The following SETD1A variants were observed in gnomAD, a reference collection of about 807,000 sequenced individuals.
SETD1A encodes histone-lysine N-methyltransferase SETD1A.
In SETD1A, 29 loss-of-function variants were observed where a neutral mutation model predicts 149.9. The observed-to-expected ratio is 0.19, with a 90% confidence interval of 0.14 to 0.26. The LOEUF is 0.26. SETD1A is among the 10% of genes least tolerant of loss of function. The pLI is 1.00. For missense variants in SETD1A, 2,109 were observed against 2,353.1 expected (o/e 0.90, Z 2.15); for synonymous variants, 1,141 against 968.5 (o/e 1.18, Z -3.31).
chr16:30,979,511 A>C lies in SETD1A; in HGVS notation c.3725A>C (p.Glu1242Ala). ...GGAGGCCGAGGCCGCCTCACCGAGG[A>C]AGAGGAGGCTGAGCCAGGGACAGAG... ...RAGGRGRLTE[E>A]EEAEPGTEVD... Residue 1242 changes from glutamate to alanine, a missense_variant, in exon 14 of 19, where the codon GAA becomes GCA. Coordinates refer to ENST00000262519, the MANE Select transcript of SETD1A (RefSeq NM_014712.3). The C allele has an allele frequency of 1.2e-6, 2 of 1,606,712 alleles. No homozygotes were observed. Among genetic ancestry groups the C allele is most frequent in the African/African-American group, 2.7e-5 (2 of 74,938 alleles).
intron 17 of SETD1A, 95 bp downstream of exon 17, chr16:30,981,275 C>T (rs2056374271): frequency 1.4e-5 from 21 of 1,506,280 alleles, no homozygotes; most frequent in Non-Finnish European, 1.9e-5. Context: ...AAGCCTTGCA[C>T]ACTCCCTAAC....
chr16:30,969,368 A>G lies in SETD1A; in HGVS notation c.2834A>G (p.Asp945Gly). The change falls in exon 11 of 19, where the codon GAC becomes GGC. Residue 945 changes from aspartate (D) to glycine (G), a missense_variant. By Grantham distance (94) the Asp-to-Gly change is moderately conservative (BLOSUM62 -1). Around this residue, in one of 8 missense-constraint regions of SETD1A, gnomAD observed 832 missense variants for 815.6 expected, o/e 1.02. Coordinates refer to ENST00000262519, the MANE Select transcript of SETD1A (RefSeq NM_014712.3). ...CCGGGGACCAAGCCCCCGAAGCGGG[A>G]CGAAGAGCGAGGCAAGACCCAGGGC... ...GRPGTKPPKR[D>G]EERGKTQGKH... The G allele has an allele frequency of 2.5e-6, 4 of 1,614,208 alleles. No homozygotes were observed. The highest frequency in any genetic ancestry group is 2.5e-6 in the Non-Finnish European group (3 of 1,180,018).
rs537081122 is a variant in SETD1A, at chr16:30,959,643, C to T, written c.246+457C>T. On this transcript the variant is annotated intron_variant, in intron 3 of 18. Coordinates refer to ENST00000262519, the MANE Select transcript of SETD1A (RefSeq NM_014712.3). ...TCTCCACCCTAGACAAGATATTCTT[C>T]AGGCCTTGAACTGGGCCTGGAACAC... 4.6e-5 allele frequency among the ~76,000 whole-genome samples: 7 copies of T among 152,308 alleles called. No homozygotes were observed. The South Asian group carries it at 1.4e-3, about 32-fold the overall frequency.
chr16:30,964,241 T>C lies in SETD1A; in HGVS notation c.787T>C (p.Phe263Leu). 6.2e-7 allele frequency: 1 copy of C among 1,613,872 alleles called. No individual in the cohort carries two copies. The highest frequency in any genetic ancestry group is 8.5e-7 in the Non-Finnish European group (1 of 1,179,946). The change falls in exon 6 of 19, where the codon TTC (phenylalanine) becomes CTC (leucine). Residue 263 changes from phenylalanine to leucine, a missense_variant. Coordinates refer to ENST00000262519, the MANE Select transcript of SETD1A (RefSeq NM_014712.3). ...RQDTPSSFGQ[F>L]TPQSSQGTPY... is the part of the protein sequence containing the mutation. ...AGATACCCCATCTTCCTTTGGCCAG[T>C]TCACACCTCAGTCCTCCCAAGGAAC...
chr16:30,984,146 G>A lies in SETD1A; in HGVS notation c.*123G>A. 1.0e-6 allele frequency: 1 copy of A among 976,518 alleles called. No homozygotes were observed. Among genetic ancestry groups the A allele is most frequent in the Non-Finnish European group, 1.5e-6 (1 of 683,800 alleles). The allele number at this position is 976,518 out of a possible 1,614,324, so 60.5% of individuals were successfully genotyped here. The stretch of plus-strand genomic sequence containing the variant: ...TGCCCCCATCTCCAAGCGTGGGGTT[G>A]GGGGCCCCAAGCCCAGCGAGGGAGC... On this transcript the variant is annotated 3_prime_UTR_variant, in exon 19 of 19. Coordinates refer to ENST00000262519, the MANE Select transcript of SETD1A (RefSeq NM_014712.3).
rs1373477376 is a variant in SETD1A at position 30,966,004 on chromosome 16, G to C, written c.2123G>C (p.Gly708Ala). 3.8e-6 allele frequency: 6 copies of C among 1,574,464 alleles called. No individual in the cohort carries two copies. The highest frequency in any genetic ancestry group is 5.2e-6 in the Non-Finnish European group (6 of 1,160,302). The change falls in exon 8 of 19, where the codon GGT becomes GCT. Residue 708 changes from glycine to alanine, a missense_variant. Coordinates refer to ENST00000262519, the MANE Select transcript of SETD1A (RefSeq NM_014712.3). ...ATTGCCGCCTCAGCTGGCCCCCCCG[G>C]TGGGGCCTTTGGGGAGGCCTTCCTC... Reference protein sequence around the residue: ...GLIAASAGPPGGAFGEAFLPF... With the variant: ...GLIAASAGPPAGAFGEAFLPF...
rs753743747 is a variant in SETD1A at position 30,980,439 on chromosome 16, C to T, written c.4409-46C>T. Reference sequence around the variant, plus strand: ...GCCCCGCCCTCTCCTTTGGCTGGGACGCAGGTGGCCAGAGAGGAGCCGTTC... The same window carrying T: ...GCCCCGCCCTCTCCTTTGGCTGGGATGCAGGTGGCCAGAGAGGAGCCGTTC... On this transcript the variant is annotated intron_variant, in intron 14 of 18. Transcript: ENST00000262519. This position sits in a 1 kb window ranked among gnomAD's most constrained non-coding sequence, Gnocchi z 7.7. The T allele has an allele frequency of 2.7e-5, 43 of 1,576,274 alleles. No homozygotes were observed. Among genetic ancestry groups the T allele is most frequent in the Middle Eastern group, 3.4e-4 (2 of 5,868 alleles).
intron 17 of SETD1A, among the ~76,000 whole-genome samples, chr16:30,982,641 C>A (rs914123663): frequency 6.6e-6 from 1 of 151,874 alleles, no homozygotes; most frequent in African/African-American, 2.4e-5. Flanking sequence ...AGTCCCGGAG[C>A]TTTCTTCAGG....
chr16:30,979,652 C>T lies in SETD1A; in HGVS notation c.3866C>T (p.Pro1289Leu). 1 of 1,609,820 alleles carries T rather than the reference C, an allele frequency of 6.2e-7. No individual in the cohort carries two copies. ...GAGACATCGGACGAGGCCGAGCGCC[C>T]TAGGCCCCTGCTCAGCCACATCCTC... ...ATETSDEAER[P>L]RPLLSHILLE... The change falls in exon 14 of 19, where the codon CCT becomes CTT. Residue 1289 changes from proline to leucine, a missense_variant. By Grantham distance (98) the Pro-to-Leu change is moderately conservative. Coordinates refer to ENST00000262519, the MANE Select transcript of SETD1A (RefSeq NM_014712.3).
intron 3 of SETD1A, among the ~76,000 whole-genome samples, chr16:30,959,734 C>T (rs1237488381): frequency 1.5e-5 from 2 of 132,910 alleles, no homozygotes; most frequent in Non-Finnish European, 3.2e-5. Context: ...TTTGTGGGGT[C>T]CCTTCATTCT....
Position 30,979,308 on chromosome 16 carries a change from G to C in SETD1A, c.3522G>C (p.Glu1174Asp). The C allele has an allele frequency of 6.2e-7, 1 of 1,613,594 alleles. No individual in the cohort carries two copies. Among genetic ancestry groups the C allele is most frequent in the Non-Finnish European group, 8.5e-7 (1 of 1,179,830 alleles). Reference sequence around the variant, plus strand: ...AAACTGTCTCCTTCTCTGCCATCGAGGTGGTGCCAGCCCCGGAGCCCCCTC... The same window carrying C: ...AAACTGTCTCCTTCTCTGCCATCGACGTGGTGCCAGCCCCGGAGCCCCCTC... The part of the protein sequence containing the change: ...RRKTVSFSAI[E>D]VVPAPEPPPA... The change falls in exon 14 of 19, where the codon GAG becomes GAC. Residue 1174 changes from glutamate to aspartate, a missense_variant. Glu to Asp is a conservative substitution (Grantham distance 45). Transcript: ENST00000262519.
chr16:30,964,254 C>A lies in SETD1A; in HGVS notation c.800C>A (p.Ser267Tyr). Residue 267 changes from serine (S) to tyrosine (Y), a missense_variant, in exon 6 of 19, where the codon TCC (serine) becomes TAC (tyrosine). Around this residue, in one of 8 missense-constraint regions of SETD1A, gnomAD observed 410 missense variants for 394.8 expected, o/e 1.04. Coordinates refer to ENST00000262519, the MANE Select transcript of SETD1A (RefSeq NM_014712.3). ...TCCTTTGGCCAGTTCACACCTCAGT[C>A]CTCCCAAGGAACCCCCTACACGTCT... ...PSSFGQFTPQ[S>Y]SQGTPYTSRG... 5.6e-6 allele frequency: 9 copies of A among 1,614,086 alleles called. No homozygotes were observed. The highest frequency in any genetic ancestry group is 7.6e-6 in the Non-Finnish European group (9 of 1,179,990).
chr16:30,967,093 GGGGAGA>G, intron 9 of SETD1A, 33 bp downstream of exon 9: 1 of 1,510,030 alleles, frequency 6.6e-7, no homozygotes, highest in Non-Finnish European at 8.9e-7. Flanking sequence ...GGGGTAGGGT[GGGGAGA>G]GGGAGAGGGG....
At position 30,963,419 on chromosome 16, in the gene SETD1A, T is replaced by TTCCC; in HGVS notation, c.518-6_518-3dup. 6.3e-7 allele frequency: 1 copy of TTCCC among 1,586,796 alleles called. No individual in the cohort carries two copies. Among genetic ancestry groups the TTCCC allele is most frequent in the Non-Finnish European group, 8.6e-7 (1 of 1,166,454 alleles). On this transcript the variant is annotated splice_polypyrimidine_tract_variant and intron_variant, in intron 4 of 18. Coordinates refer to ENST00000262519, the MANE Select transcript of SETD1A (RefSeq NM_014712.3). ...TCTCCATCTGACAATTGGTTCCCAT[T>TTCCC]TCCCTCCCTCCAGGACAACAACGAA...
At position 30,964,631 on chromosome 16, in the gene SETD1A, A is replaced by C. The variant is rs1413239324; in HGVS notation, c.889A>C (p.Lys297Gln). ...CTCCAGCACCACTTCAACCTCCTTC[A>C]AGCCCCGGCGGTCAGAGAACAGCTA... ...YSSSTTSTSFKPRRSENSYQD... is the reference protein window; with the variant it reads ...YSSSTTSTSFQPRRSENSYQD... The change falls in exon 7 of 19, where the codon AAG becomes CAG. Residue 297 changes from lysine (K) to glutamine (Q), a missense_variant. Around this residue, in one of 8 missense-constraint regions of SETD1A, gnomAD observed 410 missense variants for 394.8 expected, o/e 1.04. Transcript: ENST00000262519. 1.9e-6 allele frequency: 3 copies of C among 1,613,192 alleles called. No homozygotes were observed. Among genetic ancestry groups the C allele is most frequent in the Non-Finnish European group, 2.5e-6 (3 of 1,179,710 alleles).
At chr16:30,958,478 T>C (rs1282265540) in intron 1 of SETD1A, 5 of 480,162 alleles carry the variant, frequency 1.0e-5, no homozygotes, top group Non-Finnish European at 1.9e-5. Context: ...AGCGGGAAGG[T>C]AAGGGGGCTC....
chr16:30,963,589 T>C (rs2056085468), intron 5 of SETD1A, 35 bp downstream of exon 5: 6 of 1,597,156 alleles, frequency 3.8e-6, no homozygotes, highest in African/African-American at 2.7e-5. Flanking sequence ...CCCCTAGCCA[T>C]GTGGGCATGG....
In SETD1A at chr16:30,980,874, TGGGTGGGGTG is replaced by T. The variant is rs769893547; in HGVS notation, c.4692+34_4692+43del. 1.8e-5 allele frequency: 2 copies of T among 113,164 alleles called. No individual in the cohort carries two copies. Among genetic ancestry groups the T allele is most frequent in the African/African-American group, 3.1e-4 (1 of 3,224 alleles). 7.0% of individuals were successfully genotyped at this position (113,164 alleles called of 1,614,324 possible). A position where few individuals can be genotyped will look rare whatever the true frequency, so the allele number is the denominator to read the frequency against. On this transcript the variant is annotated intron_variant, in intron 16 of 18. Coordinates refer to ENST00000262519, the MANE Select transcript of SETD1A (RefSeq NM_014712.3). The surrounding 1 kb of genome is among the most constrained non-coding windows in gnomAD (Gnocchi z 7.7). ...GGTGAGGCTGGGCTGCAGGAGGGGC[TGGGTGGGGTG>T]GGGTGGGGCAGGAAGGGGCAGAGGC...
rs750241980 is a variant in SETD1A at position 30,980,516 on chromosome 16, G to A, written c.4440G>A (p.Arg1480=). The A allele has an allele frequency of 1.2e-6, 2 of 1,614,068 alleles. No individual in the cohort carries two copies. Among genetic ancestry groups the A allele is most frequent in the South Asian group, 2.2e-5 (2 of 91,074 alleles). The change falls in exon 15 of 19, where the codon CGG becomes CGA. Residue 1480 remains arginine (R), a synonymous_variant. Transcript: ENST00000262519. The surrounding 1 kb of genome is among the most constrained non-coding windows in gnomAD (Gnocchi z 7.7). The part of the protein sequence containing the change: ...ITNLTTPKRK[R]RPQDGPREHQ... ...ACCTGACCACCCCAAAACGCAAGCGGCGGCCCCAGGATGGGCCCCGGGAGC... is the reference window on the plus strand; with the variant it reads ...ACCTGACCACCCCAAAACGCAAGCGACGGCCCCAGGATGGGCCCCGGGAGC...
Sources: gnomAD v4.1 joint callset for allele counts (sites outside exome capture counted in the v4.1 genomes callset) on GRCh38, gnomAD v4.1.1 for gene constraint, gnomAD v4.1.1 regional missense constraint, Gnocchi (gnomAD v3.1) non-coding constraint, MANE v1.5 for transcripts, NCBI Gene and HGNC (gene_info 2026-07-23, HGNC 2026-07-21) for gene names.